PIN4: variants seen among roughly 807,000 people sequenced by gnomAD.
The protein encoded by PIN4 is peptidyl-prolyl cis-trans isomerase NIMA-interacting 4.
A neutral mutation model predicts 8.3 loss-of-function variants in PIN4; 3 were observed. That is an observed-to-expected ratio of 0.36 (90% CI 0.16 to 0.93). PIN4 has a LOEUF of 0.93. PIN4 is among the 40% of genes least tolerant of loss of function. The pLI is 0.44. For synonymous variants in PIN4, 18 were observed against 32.5 expected, an observed-to-expected ratio of 0.55 and a Z score of 1.52; for missense variants, 75 against 100.6, an observed-to-expected ratio of 0.75 and a Z score of 1.09.
At chrX:72,263,476 G>C (rs1395655105) in exon 4 of PIN4, 1 of 111,856 alleles carries the variant, frequency 8.9e-6, no homozygotes, top group African/African-American at 3.3e-5. Context: ...TGATGTCCAA[G>C]AAAGAAGTCG....
chrX:72,200,044 T>G (rs2147577957), downstream of PIN4, among the ~76,000 whole-genome samples: 1 of 109,909 alleles, frequency 9.1e-6, no homozygotes, highest in East Asian at 2.9e-4. Context: ...TGTGTGCTTG[T>G]AGTCCCAACT....
chrX:72,228,138 A>G (rs1008441600), intron 3 of PIN4, among the ~76,000 whole-genome samples: 2 of 112,366 alleles, frequency 1.8e-5, no homozygotes, highest in African/African-American at 6.5e-5. Context: ...GTTCCAGCCA[A>G]TGGAAACTGG....
At chrX:72,244,691 T>C (rs2043061064) in intron 3 of PIN4, among the ~76,000 whole-genome samples, 1 of 110,935 alleles carries the variant, frequency 9.0e-6, no homozygotes, top group African/African-American at 3.3e-5. Flanking sequence ...TCCCTGCATA[T>C]GAGGAGGGAG....
intron 3 of PIN4, chrX:72,206,624 T>C (rs2042822170): frequency 8.3e-7 from 1 of 1,209,784 alleles, no homozygotes; most frequent in South Asian, 1.8e-5. Flanking sequence ...AGGAACTCTT[T>C]ATTTTGAGAC....
rs1240193616 is a variant in PIN4, at chrX:72,255,471, GCCTCCCTGCCGCGTGGTGCCCTCGGC to G, written c.313-7234_313-7209del. Among the ~76,000 whole-genome samples the G allele has an allele frequency of 1.4e-4, 15 of 108,870 alleles. No individual in the cohort carries two copies. In the East Asian group the frequency reaches 4.2e-3, roughly 30 times the overall value. 94.5% of individuals were successfully genotyped at this position (108,870 alleles called of 115,157 possible). A position where few individuals can be genotyped will look rare whatever the true frequency, so the allele number is the denominator to read the frequency against. Reference sequence around the variant, plus strand: ...ACAGGTGGCGGCTGAGAAGGCTGCGGCCTCCCTGCCGCGTGGTGCCCTCGGCCTTTCCTGCCGCCTTCCCGCCCCTC... The same window carrying G: ...ACAGGTGGCGGCTGAGAAGGCTGCGGCTTTCCTGCCGCCTTCCCGCCCCTC... On this transcript the variant is annotated intron_variant, in intron 3 of 3. Transcript: ENST00000423432.
At chrX:72,186,871 A>G (rs746621888) in intron 2 of PIN4, among the ~76,000 whole-genome samples, 1 of 111,877 alleles carries the variant, frequency 8.9e-6, no homozygotes, top group African/African-American at 3.3e-5. Context: ...GGTTGCAATG[A>G]GCTGAGATTG....
intron 1 of PIN4, 197 bp downstream of exon 1, chrX:72,182,025 G>T: frequency 2.2e-6 from 1 of 446,241 alleles, no homozygotes; most frequent in Non-Finnish European, 4.0e-6. Context: ...ATCTGATGGG[G>T]ATAGTTCCTC....
At chrX:72,263,855 T>C (rs3012639) in exon 4 of PIN4, 52,825 of 110,161 alleles carry the variant, frequency 0.48, 12,187 homozygotes, top group East Asian at 0.98. Context: ...TCCCAAGGGC[T>C]AATTGTTAAA....
chrX:72,259,345 A>G (rs1357166339), intron 3 of PIN4, among the ~76,000 whole-genome samples: 1 of 108,567 alleles, frequency 9.2e-6, no homozygotes, highest in Non-Finnish European at 1.9e-5. Context: ...CAGCCTCCCA[A>G]GTAGCTGGGA....
At chrX:72,241,729 T>A (rs1349065238) in intron 3 of PIN4, among the ~76,000 whole-genome samples, 4 of 110,439 alleles carry the variant, frequency 3.6e-5, no homozygotes, top group Non-Finnish European at 7.6e-5. Context: ...GGCAGGAGAA[T>A]CACTTGAACC....
intron 3 of PIN4, among the ~76,000 whole-genome samples, chrX:72,242,665 A>T (rs762698102): frequency 2.7e-5 from 3 of 112,602 alleles, no homozygotes; most frequent in Non-Finnish European, 5.6e-5. Flanking sequence ...CTCATTATGC[A>T]TCTACCCCAA....
At chrX:72,248,291 GAAAAAAAAAAAAAAAAAAAAAAAAAAAAA>G (rs55908553) in intron 3 of PIN4, among the ~76,000 whole-genome samples, 2,774 of 54,905 alleles carry the variant, frequency 0.051, 97 homozygotes, top group African/African-American at 0.12. Flanking sequence ...GCTCCATCCA[GAAAAAAAAAAAAAAAAAAAAAAAAAAAAA>G]AAAAAAAAAA....
chrX:72,197,311 G>A (rs1156818503), intron 3 of PIN4, 57 bp from the exon 4 acceptor site: 2 of 1,092,316 alleles, frequency 1.8e-6, no homozygotes, highest in Non-Finnish European at 1.2e-6. Flanking sequence ...TCAAGCTACA[G>A]TAGAACTGTT....
At chrX:72,188,919 T>C (rs1291278358) in intron 2 of PIN4, among the ~76,000 whole-genome samples, 1 of 112,461 alleles carries the variant, frequency 8.9e-6, no homozygotes, top group Non-Finnish European at 1.9e-5. Flanking sequence ...TGGCACGTTA[T>C]TCACTAGGAA....
intron 2 of PIN4, among the ~76,000 whole-genome samples, chrX:72,187,222 G>A (rs1379423806): frequency 8.9e-6 from 1 of 112,054 alleles, no homozygotes; most frequent in Non-Finnish European, 1.9e-5. Context: ...TTCCCCACTG[G>A]TGAGCCACAA....
Position 72,219,318 on chromosome X carries a change from C to T in PIN4, c.312+22414C>T, listed in dbSNP as rs1365666013. Among the ~76,000 whole-genome samples the T allele has an allele frequency of 2.7e-5, 3 of 109,905 alleles. No individual in the cohort carries two copies. The East Asian group carries it at 8.6e-4, about 31-fold the overall frequency. On this transcript the variant is annotated intron_variant, in intron 3 of 3. Transcript: ENST00000423432. ...CCTGTAATCCCAGTACTTTGTGAGGCCAAGGCGGGAGGATCACCTGAGGTC... is the reference window on the plus strand; with the variant it reads ...CCTGTAATCCCAGTACTTTGTGAGGTCAAGGCGGGAGGATCACCTGAGGTC...
At chrX:72,206,139 A>G (rs1391687741) in intron 3 of PIN4, 43 of 1,210,519 alleles carry the variant, frequency 3.6e-5, no homozygotes, top group Non-Finnish European at 4.7e-5. Context: ...TTGGCCCAAT[A>G]TCAGCTTTGG....
At chrX:72,181,751 T>G (rs140834424), upstream of PIN4, 18 of 1,186,632 alleles carry the variant, frequency 1.5e-5, no homozygotes, top group Admixed American at 2.8e-4. Flanking sequence ...GTACGGCAAC[T>G]GGAGCGGTTC....
At chrX:72,207,576 C>T (rs776324309) in intron 3 of PIN4, 7 of 1,209,619 alleles carry the variant, frequency 5.8e-6, no homozygotes, top group African/African-American at 1.8e-5. Context: ...AAGGTGAGCG[C>T]GTCTCCATTA....
Sources: gnomAD v4.1 joint callset for allele counts (sites outside exome capture counted in the v4.1 genomes callset) on GRCh38, gnomAD v4.1.1 for gene constraint, MANE v1.5 for transcripts, NCBI Gene and HGNC (gene_info 2026-07-23, HGNC 2026-07-21) for gene names.